MAP2K6: variants seen among roughly 807,000 people sequenced by gnomAD.
The protein encoded by MAP2K6 is dual specificity mitogen-activated protein kinase kinase 6.
MAP2K6 carries 16 observed loss-of-function variants against 53.7 expected under a neutral mutation model. The ratio of observed to expected loss-of-function variants is 0.30; its 90% confidence interval spans 0.20 to 0.45. MAP2K6 has a LOEUF of 0.45. Among genes scored for constraint, MAP2K6 ranks in the 20% least tolerant of loss-of-function variants. The pLI, the probability that MAP2K6 is intolerant of heterozygous loss-of-function variation, is 1.00. For missense variants in MAP2K6, 204 were observed against 411.9 expected (o/e 0.50, Z 4.37); for synonymous variants, 132 against 143.1 (o/e 0.92, Z 0.55).
chr17:69,529,953 C>A (rs1018761931), intron 10 of MAP2K6, among the ~76,000 whole-genome samples: 1 of 152,104 alleles, frequency 6.6e-6, no homozygotes, highest in African/African-American at 2.4e-5. Flanking sequence ...AAGATATCCC[C>A]TTCTCTCTCA....
At chr17:69,440,746 T>G (rs907184652) in intron 1 of MAP2K6, among the ~76,000 whole-genome samples, 18 of 152,060 alleles carry the variant, frequency 1.2e-4, no homozygotes, top group African/African-American at 1.7e-4. Flanking sequence ...GTTTTGTTTT[T>G]TTTTTTTCAC....
intron 1 of MAP2K6, among the ~76,000 whole-genome samples, chr17:69,429,460 A>G (rs1217459461): frequency 6.6e-6 from 1 of 151,804 alleles, no homozygotes; most frequent in Non-Finnish European, 1.5e-5. Context: ...AGAGTGAGAG[A>G]GAGAGAGTAA....
intron 1 of MAP2K6, among the ~76,000 whole-genome samples, chr17:69,455,527 T>C (rs936459884): frequency 6.6e-6 from 1 of 152,156 alleles, no homozygotes; most frequent in African/African-American, 2.4e-5. Context: ...CAGCCGACTT[T>C]CTCTTAGGTT....
rs753812479 is a variant in MAP2K6, at chr17:69,536,190, T to C, written c.927+30T>C. 5.7e-6 allele frequency: 9 copies of C among 1,570,266 alleles called. 1 individual carries two copies. In the South Asian group the frequency reaches 1.0e-4, roughly 18 times the overall value. On this transcript the variant is annotated intron_variant, in intron 11 of 11. Transcript: ENST00000590474. ...GTATTGTTAGCAACGTAAACATGAC[T>C]ATACTGATAGCTACAAAAGGCAAAG...
rs530690637 is a variant in MAP2K6 at position 69,443,246 on chromosome 17, G to A, written c.16+28246G>A. Among the ~76,000 whole-genome samples the A allele has an allele frequency of 3.5e-3, 533 of 152,276 alleles. 3 individuals are homozygous for A. Among genetic ancestry groups the A allele is most frequent in the African/African-American group, 0.012 (498 of 41,558 alleles). ...TTTGTCAGGCCTCAGCACAAGTGCT[G>A]GAGTCTTCTGTGGCTGTTCCCTTCT... On this transcript the variant is annotated intron_variant, in intron 1 of 11. Transcript: ENST00000590474.
In MAP2K6 at chr17:69,549,724, A is replaced by G. The variant is rs1912020114; in HGVS notation, c.*7971A>G. The G allele has an allele frequency of 6.6e-6, 1 of 152,158 alleles. No individual in the cohort carries two copies. Among genetic ancestry groups the G allele is most frequent in the Non-Finnish European group, 1.5e-5 (1 of 68,020 alleles). The allele number at this position is 152,158 out of a possible 1,614,324, so 9.4% of individuals were successfully genotyped here. A position where few individuals can be genotyped will look rare whatever the true frequency, so the allele number is the denominator to read the frequency against. On this transcript the variant is annotated 3_prime_UTR_variant, in exon 12 of 12. Transcript: ENST00000590474. ...GCAGCAAGGTTGGGTATCTGATTTC[A>G]CTAAGTAATATTCTATTGTGGTCAG...
rs150775110 is a variant in MAP2K6, at chr17:69,426,099, C to G, written c.16+11099C>G. On this transcript the variant is annotated intron_variant, in intron 1 of 11. Transcript: ENST00000590474. ...TTTCATTCAGGGTCTTCTATGTGGC[C>G]CAGTCTGGCCTCAACTCTTGGGCTC... Among the ~76,000 whole-genome samples the G allele has an allele frequency of 5.0e-3, 762 of 152,196 alleles. 12 individuals carry two copies. The highest frequency in any genetic ancestry group is 0.017 in the African/African-American group (719 of 41,502).
At chr17:69,520,040 T>C (rs1910382128) in intron 5 of MAP2K6, 1 of 495,334 alleles carries the variant, frequency 2.0e-6, no homozygotes, top group Admixed American at 4.0e-5. Flanking sequence ...CATTAAGGGG[T>C]AGGAGAGCAC....
chr17:69,464,244 T>C (rs1169564366), intron 1 of MAP2K6, among the ~76,000 whole-genome samples: 3 of 151,488 alleles, frequency 2.0e-5, no homozygotes, highest in African/African-American at 7.3e-5. Flanking sequence ...GGTCTTAGGT[T>C]CCTCATCTGT....
In MAP2K6 at chr17:69,540,611, G is replaced by A. The variant is rs112187123; in HGVS notation, c.928-1065G>A. Among the ~76,000 whole-genome samples the A allele has an allele frequency of 2.8e-3, 429 of 152,292 alleles. 6 individuals carry two copies. Among genetic ancestry groups the A allele is most frequent in the African/African-American group, 9.8e-3 (409 of 41,556 alleles). On this transcript the variant is annotated intron_variant, in intron 11 of 11. Coordinates refer to ENST00000590474, the MANE Select transcript of MAP2K6 (RefSeq NM_002758.4). ...GCTCAGGATTGTTTTGAAATGCATG[G>A]CCTCTTGAATCACATACCATGCTTG...
At chr17:69,422,414 G>A (rs1033225636) in intron 1 of MAP2K6, among the ~76,000 whole-genome samples, 2 of 152,178 alleles carry the variant, frequency 1.3e-5, no homozygotes, top group African/African-American at 4.8e-5. Context: ...TTACAGGTAT[G>A]AGCCACCACG....
chr17:69,530,321 A>T (rs1466848523), intron 10 of MAP2K6, among the ~76,000 whole-genome samples: 2 of 152,148 alleles, frequency 1.3e-5, no homozygotes, highest in African/African-American at 4.8e-5. Context: ...CCAAAATAAG[A>T]TAAAATTAAA....
intron 2 of MAP2K6, among the ~76,000 whole-genome samples, chr17:69,509,908 C>T (rs1909727445): frequency 6.6e-6 from 1 of 152,088 alleles, no homozygotes; most frequent in African/African-American, 2.4e-5. Flanking sequence ...GAGGTGTGAT[C>T]ATGGCTCACT....
intron 1 of MAP2K6, among the ~76,000 whole-genome samples, chr17:69,428,389 C>G: frequency 6.6e-6 from 1 of 152,338 alleles, no homozygotes; most frequent in East Asian, 1.9e-4. Flanking sequence ...ACTTTGCCTT[C>G]ATGTTCACAT....
intron 2 of MAP2K6, among the ~76,000 whole-genome samples, chr17:69,507,356 G>T (rs1361550260): frequency 6.6e-6 from 1 of 151,130 alleles, no homozygotes; most frequent in African/African-American, 2.5e-5. Flanking sequence ...GTGTGTGTGT[G>T]CACGTGTAGC....
intron 7 of MAP2K6, among the ~76,000 whole-genome samples, chr17:69,523,258 A>G (rs745334287): frequency 1.1e-4 from 17 of 152,358 alleles, no homozygotes; most frequent in Non-Finnish European, 2.4e-4. Context: ...AGATCATAAA[A>G]TCAGTGGAGA....
rs79534189 is a variant in MAP2K6, at chr17:69,428,267, G to C, written c.16+13267G>C. On this transcript the variant is annotated intron_variant, in intron 1 of 11. Transcript: ENST00000590474. ...GAGGTCCAAGATCAAGTTGGCGGCA[G>C]GGCTGGCTCCTTCTGAAGGCCATAA... 2.8e-3 allele frequency among the ~76,000 whole-genome samples: 426 copies of C among 152,324 alleles called. 1 individual carries two copies. The highest frequency in any genetic ancestry group is 9.5e-3 in the African/African-American group (393 of 41,576).
intron 1 of MAP2K6, among the ~76,000 whole-genome samples, chr17:69,463,976 G>A (rs556544550): frequency 2.6e-4 from 40 of 152,010 alleles, no homozygotes; most frequent in South Asian, 1.9e-3. Flanking sequence ...CCGAGATTGC[G>A]CCACTGCACT....
chr17:69,484,242 G>A (rs1908445735), intron 1 of MAP2K6, among the ~76,000 whole-genome samples: 1 of 151,884 alleles, frequency 6.6e-6, no homozygotes, highest in African/African-American at 2.4e-5. Flanking sequence ...ATTTAATACT[G>A]AAAAGATAAC....
Sources: allele counts gnomAD v4.1 joint callset (sites outside exome capture counted in the v4.1 genomes callset), GRCh38; gene constraint gnomAD v4.1.1; transcripts MANE v1.5; gene names NCBI Gene and HGNC (gene_info 2026-07-23, HGNC 2026-07-21).